The following PCDH11X variants were observed in gnomAD, a reference collection of about 807,000 sequenced individuals.
PCDH11X encodes protocadherin-11 X-linked.
In PCDH11X, 18 loss-of-function variants were observed where a neutral mutation model predicts 53.3. The ratio of observed to expected loss-of-function variants is 0.34; its 90% CI spans 0.23 to 0.50. PCDH11X has a LOEUF of 0.50. Among genes scored for constraint, PCDH11X ranks in the 20% least tolerant of loss-of-function variants. The pLI is 0.98. For synonymous variants in PCDH11X, 279 were observed against 393.3 expected, an observed-to-expected ratio of 0.71 and a Z score of 3.44; for missense variants, 570 against 1,032.4, an observed-to-expected ratio of 0.55 and a Z score of 6.14.
At chrX:91,995,997 C>T (rs1378966211) in intron 6 of PCDH11X, among the ~76,000 whole-genome samples, 10 of 107,447 alleles carry the variant, frequency 9.3e-5, no homozygotes, top group African/African-American at 3.1e-4. Context: ...CCCGCCACCA[C>T]GCCTGGCTAA....
intron 8 of PCDH11X, among the ~76,000 whole-genome samples, chrX:92,305,249 A>G (rs1469044871): frequency 2.7e-5 from 3 of 110,542 alleles, no homozygotes; most frequent in Non-Finnish European, 5.7e-5. Context: ...TATGAGAATT[A>G]CCACATATGG....
chrX:92,594,099 T>C (rs1483578882), intron 10 of PCDH11X, among the ~76,000 whole-genome samples: 1 of 89,169 alleles, frequency 1.1e-5, no homozygotes, highest in Non-Finnish European at 2.2e-5. Context: ...CTTTATTGAG[T>C]CCTGTTTGGA....
chrX:91,786,150 C>T (rs1441274790), intron 1 of PCDH11X, among the ~76,000 whole-genome samples: 2 of 110,042 alleles, frequency 1.8e-5, no homozygotes, highest in Non-Finnish European at 3.8e-5. Flanking sequence ...ATTTAAACTG[C>T]CCTTTTAATT....
chrX:92,064,458 G>A (rs1251212247), intron 6 of PCDH11X, among the ~76,000 whole-genome samples: 1 of 104,539 alleles, frequency 9.6e-6, no homozygotes, highest in African/African-American at 3.5e-5. Flanking sequence ...TCGAGGTATG[G>A]AACATTTCTA....
intron 8 of PCDH11X, among the ~76,000 whole-genome samples, chrX:92,305,117 C>A (rs756431584): frequency 9.4e-4 from 104 of 111,188 alleles, no homozygotes; most frequent in African/African-American, 3.2e-3. Context: ...GCACTTAGCA[C>A]CAGATTATGT....
chrX:92,371,464 G>T (rs1364861165), intron 8 of PCDH11X, among the ~76,000 whole-genome samples: 1 of 102,598 alleles, frequency 9.7e-6, no homozygotes, highest in African/African-American at 3.6e-5. Flanking sequence ...TATTTAACTA[G>T]AAGAGTTTGT....
At chrX:92,542,486 G>T (rs1265639874) in intron 10 of PCDH11X, among the ~76,000 whole-genome samples, 1 of 110,456 alleles carries the variant, frequency 9.1e-6, no homozygotes, top group African/African-American at 3.3e-5. Context: ...CCATAAATTA[G>T]AATAAAATTA....
intron 6 of PCDH11X, among the ~76,000 whole-genome samples, chrX:92,002,537 A>ATT (rs199701200): frequency 8.3e-5 from 9 of 108,481 alleles, no homozygotes; most frequent in South Asian, 4.0e-4. Context: ...TGAAAATGGA[A>ATT]TTTTTTTTCC....
intron 6 of PCDH11X, among the ~76,000 whole-genome samples, chrX:91,954,703 A>G (rs780195252): frequency 6.3e-5 from 7 of 111,119 alleles, no homozygotes; most frequent in African/African-American, 2.0e-4. Flanking sequence ...CCTTTCTCTA[A>G]TGATCAGTGA....
intron 6 of PCDH11X, among the ~76,000 whole-genome samples, chrX:92,082,954 A>G (rs2063886547): frequency 9.0e-6 from 1 of 111,448 alleles, no homozygotes; most frequent in Non-Finnish European, 1.9e-5. Flanking sequence ...TAATATATTC[A>G]AAATATGAAA....
rs1171667582 is a variant in PCDH11X, at chrX:92,584,789, C to CTTTT, written c.3368-33457_3368-33454dup. Among the ~76,000 whole-genome samples, 491 of 65,040 alleles carry CTTTT rather than the reference C, an allele frequency of 7.5e-3. 10 individuals carry two copies. Among genetic ancestry groups the CTTTT allele is most frequent in the African/African-American group, 0.018 (258 of 14,194 alleles). 56.5% of individuals were successfully genotyped at this position (65,040 alleles called of 115,157 possible). A position where few individuals can be genotyped will look rare whatever the true frequency, so the allele number is the denominator to read the frequency against. Reference sequence around the variant, plus strand: ...AGGCCAGCATTATTCTCTTTTTTTCCTTTTTTTTTTTTTTTTTTTTTGAGA... The same window carrying CTTTT: ...AGGCCAGCATTATTCTCTTTTTTTCCTTTTTTTTTTTTTTTTTTTTTTTTTGAGA... On this transcript the variant is annotated intron_variant, in intron 10 of 10. Coordinates refer to ENST00000682573, the MANE Select transcript of PCDH11X (RefSeq NM_032968.5).
At chrX:91,938,856 T>C (rs1357923185) in intron 6 of PCDH11X, among the ~76,000 whole-genome samples, 3 of 110,656 alleles carry the variant, frequency 2.7e-5, no homozygotes, top group Non-Finnish European at 5.7e-5. Context: ...AAAGAAGGCC[T>C]GAAAGAATCA....
At chrX:91,870,266 G>A (rs777179502) in intron 5 of PCDH11X, among the ~76,000 whole-genome samples, 8 of 111,441 alleles carry the variant, frequency 7.2e-5, no homozygotes, top group African/African-American at 1.6e-4. Context: ...TCCAAATAAC[G>A]TAATAAAATC....
At chrX:92,186,927 T>G (rs1169524729) in intron 6 of PCDH11X, among the ~76,000 whole-genome samples, 1 of 111,995 alleles carries the variant, frequency 8.9e-6, no homozygotes, top group Non-Finnish European at 1.9e-5. Context: ...AATATCACAT[T>G]GTTCCCCGTA....
At chrX:91,907,442 G>GAGAGA (rs1569436527) in intron 6 of PCDH11X, among the ~76,000 whole-genome samples, 7 of 92,074 alleles carry the variant, frequency 7.6e-5, no homozygotes, top group Admixed American at 2.6e-4. Flanking sequence ...GAGAGAGAGA[G>GAGAGA]GCTGACATAA....
chrX:92,272,289 ATAT>A (rs2067977040), intron 8 of PCDH11X, among the ~76,000 whole-genome samples: 1 of 111,636 alleles, frequency 9.0e-6, no homozygotes, highest in African/African-American at 3.3e-5. Flanking sequence ...TAAGTTAGAT[ATAT>A]TATTTTTGGC....
At chrX:91,925,371 A>G (rs1602504051) in intron 6 of PCDH11X, among the ~76,000 whole-genome samples, 1 of 111,376 alleles carries the variant, frequency 9.0e-6, no homozygotes, top group Non-Finnish European at 1.9e-5. Context: ...ATGTGTATCA[A>G]TTTGTACCAT....
rs1475295670 is a variant in PCDH11X at position 92,077,378 on chromosome X, T to C, written c.3034-123997T>C. ...ATTAATCCTAGCTTTAACTCTATTG[T>C]TGAATGACCATGTAGTATATGCAAA... is the stretch of plus-strand genomic sequence containing the variant. On this transcript the variant is annotated intron_variant, in intron 6 of 10. Transcript: ENST00000682573. Among the ~76,000 whole-genome samples, 13 of 107,637 alleles carry C rather than the reference T, an allele frequency of 1.2e-4. No individual in the cohort carries two copies. The East Asian group carries it at 3.8e-3, about 32-fold the overall frequency. 93.5% of individuals were successfully genotyped at this position (107,637 alleles called of 115,157 possible).
intron 8 of PCDH11X, among the ~76,000 whole-genome samples, chrX:92,329,825 G>A (rs1457073156): frequency 1.8e-5 from 2 of 111,486 alleles, no homozygotes; most frequent in Non-Finnish European, 3.8e-5. Context: ...TCTACCAGAA[G>A]CTGGGAAGGG....
Sources: gnomAD v4.1 joint callset for allele counts (sites outside exome capture counted in the v4.1 genomes callset) on GRCh38, gnomAD v4.1.1 for gene constraint, MANE v1.5 for transcripts, NCBI Gene and HGNC (gene_info 2026-07-23, HGNC 2026-07-21) for gene names.